SERPINA10: variants seen among roughly 807,000 people sequenced by gnomAD.
The protein encoded by SERPINA10 is serpin family A member 10, also known as protein Z-dependent protease inhibitor.
In SERPINA10, 24 loss-of-function variants were observed where a neutral mutation model predicts 28.0. That is an observed-to-expected ratio of 0.86 (90% CI 0.62 to 1.20). The LOEUF (loss-of-function observed/expected upper bound fraction) is 1.20. SERPINA10 is among the 50% of genes most tolerant of loss of function. SERPINA10 has a pLI of 0.00. For synonymous variants in SERPINA10, 207 were observed against 203.9 expected, an observed-to-expected ratio of 1.02 and a Z score of -0.13; for missense variants, 521 against 537.7, an observed-to-expected ratio of 0.97 and a Z score of 0.31.
At position 94,290,182 on chromosome 14, in the gene SERPINA10, G is replaced by C. The variant is rs781628042; in HGVS notation, c.412C>G (p.Pro138Ala). The C allele has an allele frequency of 1.2e-6, 2 of 1,613,868 alleles. No homozygotes were observed. The highest frequency in any genetic ancestry group is 2.2e-5 in the South Asian group (2 of 91,076). ...TTAAAGAGGGAAGGCAGGAGCCCGGGCTTGGTGGGCTTCAGGGCCTGCAAG... is the reference window on the plus strand; with the variant it reads ...TTAAAGAGGGAAGGCAGGAGCCCGGCCTTGGTGGGCTTCAGGGCCTGCAAG... Reference protein sequence around the residue: ...LHLQALKPTKPGLLPSLFKGL... With the variant: ...LHLQALKPTKAGLLPSLFKGL... Residue 138 changes from proline (P) to alanine (A), a missense_variant, in exon 2 of 5, where the codon CCC (proline) becomes GCC (alanine). Physicochemically the swap from Pro to Ala is conservative, Grantham distance 27 (BLOSUM62 -1). Transcript: ENST00000261994.
At chr14:94,284,665 A>T (rs1566716966) in intron 4 of SERPINA10, among the ~76,000 whole-genome samples, 1 of 152,160 alleles carries the variant, frequency 6.6e-6, no homozygotes, top group Non-Finnish European at 1.5e-5. Flanking sequence ...GGGTCCCTGG[A>T]GCCTTCCTGA....
At chr14:94,288,651 A>C in intron 2 of SERPINA10, 92 bp from the exon 3 acceptor site, 22 of 1,476,890 alleles carry the variant, frequency 1.5e-5, no homozygotes, top group African/African-American at 2.8e-5. Flanking sequence ...CTTCTATCTC[A>C]CTTCTCTCAC....
chr14:94,290,668 G>A (rs2232694), intron 1 of SERPINA10, 25 bp from the exon 2 acceptor site: 26,016 of 1,583,710 alleles, frequency 0.016, 229 homozygotes, highest in Non-Finnish European at 0.019. Context: ...GGATAGAGAT[G>A]GTTTTAATGC....
In SERPINA10 at chr14:94,290,476, T is replaced by G; in HGVS notation, c.118A>C (p.Arg40=). Residue 40 remains arginine, a synonymous_variant, in exon 2 of 5, where the codon AGG becomes CGG. Transcript: ENST00000261994. ...TCCTCCTTGGGAGCCTGCACTACCC[T>G]GCTGGTCTGGTTCTGAGGGGCTGGG... ...ETPAPQNQTS[R]VVQAPKEEEE... is the part of the protein sequence containing the mutation. The G allele has an allele frequency of 6.2e-7, 1 of 1,613,790 alleles. No individual in the cohort carries two copies. Among genetic ancestry groups the G allele is most frequent in the South Asian group, 1.1e-5 (1 of 90,958 alleles).
intron 4 of SERPINA10, among the ~76,000 whole-genome samples, chr14:94,285,290 G>A (rs1361131711): frequency 6.6e-6 from 1 of 152,036 alleles, no homozygotes. Flanking sequence ...AACTGCTCTG[G>A]ACAACAAGCA....
chr14:94,286,117 T>C lies in SERPINA10; in HGVS notation c.1134A>G (p.Gln378=). ...SELSATGRNL[Q]VSRVLQRTVI... The stretch of plus-strand genomic sequence containing the variant: ...AAAGATCCTGACTTACCCTGGATAC[T>C]TGGAGATTTCTTCCAGTAGCTGAGA... The change falls in exon 4 of 5, where the codon CAA becomes CAG. Residue 378 remains glutamine (Q), a synonymous_variant. Transcript: ENST00000261994. The C allele has an allele frequency of 1.2e-6, 2 of 1,614,180 alleles. No individual in the cohort carries two copies.
intron 3 of SERPINA10, among the ~76,000 whole-genome samples, chr14:94,287,552 T>TA (rs942877245): frequency 2.6e-5 from 4 of 152,178 alleles, no homozygotes; most frequent in Non-Finnish European, 5.9e-5. Context: ...CCTTACCCCC[T>TA]AGTGTCTTTT....
At chr14:94,291,874 G>T (rs1895186439) in intron 1 of SERPINA10, among the ~76,000 whole-genome samples, 1 of 152,226 alleles carries the variant, frequency 6.6e-6, no homozygotes, top group African/African-American at 2.4e-5. Context: ...CCCTTGCTCG[G>T]GCTGAATGGC....
chr14:94,283,739 T>C lies in SERPINA10; in HGVS notation c.*226A>G, dbSNP rs1233348761. 3.2e-5 allele frequency: 18 copies of C among 570,408 alleles called. No homozygotes were observed. The Admixed American group carries it at 5.7e-4, about 18-fold the overall frequency. 35.3% of individuals were successfully genotyped at this position (570,408 alleles called of 1,614,324 possible). A position where few individuals can be genotyped will look rare whatever the true frequency, so the allele number is the denominator to read the frequency against. On this transcript the variant is annotated 3_prime_UTR_variant, in exon 5 of 5. Transcript: ENST00000261994. The stretch of plus-strand genomic sequence containing the variant: ...ATAGGTATGTATGTGTAGGAAAAAA[T>C]ATATATAAGGTTCAGCACTGTCCAC...
At chr14:94,288,237 G>A in intron 3 of SERPINA10, 49 bp downstream of exon 3, 2 of 1,606,944 alleles carry the variant, frequency 1.2e-6, no homozygotes, top group African/African-American at 1.3e-5. Flanking sequence ...CTGAGCGTTT[G>A]CCAGTACAGA....
chr14:94,284,196 A>G (rs1216223714), intron 4 of SERPINA10, 40 bp from the exon 5 acceptor site: 3 of 1,556,758 alleles, frequency 1.9e-6, no homozygotes, highest in East Asian at 2.2e-5. Context: ...TTTGTGTGGC[A>G]GTGCAAAGGA....
At chr14:94,286,769 AAAT>A (rs1895034869) in intron 3 of SERPINA10, among the ~76,000 whole-genome samples, 1 of 152,232 alleles carries the variant, frequency 6.6e-6, no homozygotes, top group Non-Finnish European at 1.5e-5. Context: ...CTGTGGCTCA[AAAT>A]AAAATTTTTT....
chr14:94,289,030 T>C (rs2139697931), intron 2 of SERPINA10, among the ~76,000 whole-genome samples: 1 of 152,334 alleles, frequency 6.6e-6, no homozygotes, highest in South Asian at 2.1e-4. Context: ...CCACCCACTG[T>C]TTAGTGTGGT....
intron 3 of SERPINA10, among the ~76,000 whole-genome samples, chr14:94,286,540 A>C (rs1895029978): frequency 6.6e-6 from 1 of 152,222 alleles, no homozygotes; most frequent in South Asian, 2.1e-4. Flanking sequence ...TTTAAAAAAA[A>C]CCTGAGTTAA....
At chr14:94,286,533 A>T (rs973735906) in intron 3 of SERPINA10, among the ~76,000 whole-genome samples, 23 of 151,998 alleles carry the variant, frequency 1.5e-4, no homozygotes, top group Non-Finnish European at 2.5e-4. Context: ...CCTATATTTT[A>T]AAAAAAACCT....
At chr14:94,284,714 G>A (rs984524510) in intron 4 of SERPINA10, among the ~76,000 whole-genome samples, 1 of 152,130 alleles carries the variant, frequency 6.6e-6, no homozygotes, top group Non-Finnish European at 1.5e-5. Flanking sequence ...GCTATGTTTG[G>A]GAGGCCCTTT....
At chr14:94,286,811 A>G (rs1413425487) in intron 3 of SERPINA10, among the ~76,000 whole-genome samples, 3 of 152,236 alleles carry the variant, frequency 2.0e-5, no homozygotes, top group African/African-American at 7.2e-5. Context: ...TGAGGACATG[A>G]CGTGTCTTGA....
intron 4 of SERPINA10, among the ~76,000 whole-genome samples, chr14:94,284,978 G>A (rs1003694315): frequency 6.6e-6 from 1 of 152,160 alleles, no homozygotes; most frequent in Non-Finnish European, 1.5e-5. Flanking sequence ...ACACTTTCAG[G>A]TGCTGGTCTG....
rs1894952682 is a variant in SERPINA10, at chr14:94,283,785, G to C, written c.*180C>G. The C allele has an allele frequency of 4.7e-6, 3 of 640,722 alleles. No homozygotes were observed. In the African/African-American group the frequency reaches 5.5e-5, roughly 12 times the overall value. 39.7% of individuals were successfully genotyped at this position (640,722 alleles called of 1,614,324 possible). A position where few individuals can be genotyped will look rare whatever the true frequency, so the allele number is the denominator to read the frequency against. ...TCCACCGTTTCAGGCATCTGCTGGG[G>C]GTCTTTGAATGTATCCCCCTCAGAT... On this transcript the variant is annotated 3_prime_UTR_variant, in exon 5 of 5. Transcript: ENST00000261994.
Sources: gnomAD v4.1 joint callset for allele counts (sites outside exome capture counted in the v4.1 genomes callset) on GRCh38, gnomAD v4.1.1 for gene constraint, MANE v1.5 for transcripts, NCBI Gene and HGNC (gene_info 2026-07-23, HGNC 2026-07-21) for gene names.